Variants in SEPTIN4 observed in about 807,000 individuals in gnomAD.
SEPTIN4 encodes the protein septin 4, also known as septin-4.
In SEPTIN4, 52 loss-of-function variants were observed where a neutral mutation model predicts 107.1. The observed-to-expected ratio is 0.49, with a 90% CI of 0.39 to 0.61. The LOEUF (loss-of-function observed/expected upper bound fraction) is 0.61, where lower values mean the gene tolerates loss of function less well. Ranked by LOEUF, SEPTIN4 falls within the 20% of genes least tolerant of loss-of-function variation. The pLI is 0.00. For synonymous variants in SEPTIN4, 417 were observed against 467.0 expected (o/e 0.89, Z 1.38); for missense variants, 1,048 against 1,243.5 (o/e 0.84, Z 2.36).
chr17:58,529,376 T>C (rs2043261986), intron 3 of SEPTIN4: 1 of 1,438,612 alleles, frequency 7.0e-7, no homozygotes, highest in Non-Finnish European at 9.1e-7. Context: ...CCACCCCTCT[T>C]CTCCTCCCCT....
At chr17:58,540,507 C>T (rs917466034) in intron 3 of SEPTIN4, among the ~76,000 whole-genome samples, 159 bp downstream of exon 3, 7 of 152,174 alleles carry the variant, frequency 4.6e-5, no homozygotes, top group African/African-American at 1.7e-4. Flanking sequence ...CCCCACTTGC[C>T]CCCTCTACCA....
chr17:58,529,238 C>T (rs894354519), intron 3 of SEPTIN4: 1 of 1,613,856 alleles, frequency 6.2e-7, no homozygotes, highest in East Asian at 2.2e-5. Context: ...AGGCAAAGTT[C>T]CTCACACACA....
chr17:58,532,177 G>T, intron 3 of SEPTIN4: 1 of 908,542 alleles, frequency 1.1e-6, no homozygotes, highest in South Asian at 5.2e-5. Flanking sequence ...GTGGGTCGGG[G>T]TGCCCAGCTG....
In SEPTIN4 at chr17:58,543,662, A is replaced by G. The variant is rs1348895284; in HGVS notation, c.525T>C (p.Asp175=). 1 of 1,614,106 alleles carries G rather than the reference A, an allele frequency of 6.2e-7. No individual in the cohort carries two copies. The highest frequency in any genetic ancestry group is 8.5e-7 in the Non-Finnish European group (1 of 1,180,036). The change falls in exon 1 of 14, where the codon GAT becomes GAC. Residue 175 remains aspartate (D), a synonymous_variant. Coordinates refer to ENST00000672673, the MANE Select transcript of SEPTIN4 (RefSeq NM_001368771.2). ...KNNLQSQILE[D]DPPSKVQNPQ... is the part of the protein sequence containing the mutation. ...GGTTCTGGACCTTGGATGGTGGGTC[A>G]TCTTCTAAGATTTGTGATTGTAAGT...
rs753730883 is a variant in SEPTIN4 at position 58,521,050 on chromosome 17, C to T, written c.2779G>A (p.Ala927Thr). Residue 927 changes from alanine to threonine, a missense_variant, in exon 12 of 14, where the codon GCA (alanine) becomes ACA (threonine). Ala to Thr is a moderately conservative substitution (Grantham distance 58). Coordinates refer to ENST00000672673, the MANE Select transcript of SEPTIN4 (RefSeq NM_001368771.2). This position sits in a 1 kb window ranked among gnomAD's most constrained non-coding sequence, Gnocchi z 6.4. ...CGGGTCATGCTCTGGATGCACTGTG[C>T]CCGGTAGTTCTCATAATGTGTCTCC... Reference protein sequence around the residue: ...TRETHYENYRAQCIQSMTRLV... With the variant: ...TRETHYENYRTQCIQSMTRLV... The T allele has an allele frequency of 2.5e-6, 4 of 1,614,054 alleles. No homozygotes were observed. Among genetic ancestry groups the T allele is most frequent in the African/African-American group, 1.3e-5 (1 of 74,916 alleles).
rs545465005 is a variant in SEPTIN4, at chr17:58,527,073, A to G, written c.1615-95T>C. On this transcript the variant is annotated intron_variant, in intron 3 of 13. Transcript: ENST00000672673. ...AGGAGACAGAAGACAGGAGAAGGCAAGAGGGAAAGGGAAAGCACTTGTGGT... is the reference window on the plus strand; with the variant it reads ...AGGAGACAGAAGACAGGAGAAGGCAGGAGGGAAAGGGAAAGCACTTGTGGT... 3.1e-6 allele frequency: 5 copies of G among 1,594,964 alleles called. No homozygotes were observed. The South Asian group carries it at 5.5e-5, about 18-fold the overall frequency.
chr17:58,543,875 T>C lies in SEPTIN4; in HGVS notation c.312A>G (p.Leu104=). The C allele has an allele frequency of 1.9e-6, 3 of 1,614,120 alleles. No homozygotes were observed. The highest frequency in any genetic ancestry group is 1.7e-6 in the Non-Finnish European group (2 of 1,180,006). The change falls in exon 1 of 14, where the codon CTA becomes CTG. Residue 104 remains leucine (L), a synonymous_variant. Transcript: ENST00000672673. ...CCAGTGTCTGAGTCTTCTGGCTCTT[T>C]AGATGGGGAGAGGAATGGCGGGATG... ...TESSRHSSPH[L]KSQKTQTLAS...
intron 3 of SEPTIN4, chr17:58,529,812 T>C (rs1441902670): frequency 6.6e-6 from 1 of 152,088 alleles, no homozygotes; most frequent in East Asian, 1.9e-4. Flanking sequence ...GTTTTTTTTT[T>C]TTTTTCCTGT....
rs1279462428 is a variant in SEPTIN4 at position 58,520,595 on chromosome 17, G to A, written c.2932-110C>T. ...GCCAGAACCTTGGTAGCCGTGAGGT[G>A]TGATGGAGACTCTGGACAGAACCAC... On this transcript the variant is annotated intron_variant, in intron 13 of 13. Coordinates refer to ENST00000672673, the MANE Select transcript of SEPTIN4 (RefSeq NM_001368771.2). The A allele has an allele frequency of 1.1e-5, 17 of 1,513,718 alleles. No homozygotes were observed. In the East Asian group the frequency reaches 3.6e-4, roughly 32 times the overall value. 93.8% of individuals were successfully genotyped at this position (1,513,718 alleles called of 1,614,324 possible).
intron 13 of SEPTIN4, 50 bp from the exon 14 acceptor site, chr17:58,520,535 T>C (rs2042147415): frequency 6.2e-7 from 1 of 1,606,978 alleles, no homozygotes; most frequent in African/African-American, 1.3e-5. Flanking sequence ...AGTCCTTTAG[T>C]ATTGGGAAAG....
chr17:58,521,327 A>C lies in SEPTIN4; in HGVS notation c.2595T>G (p.Ile865Met). Residue 865 changes from isoleucine to methionine, a missense_variant, in exon 11 of 14, where the codon ATT becomes ATG. Transcript: ENST00000672673. The surrounding 1 kb of genome is among the most constrained non-coding windows in gnomAD (Gnocchi z 6.4). ...ALKESIPFAV[I>M]GSNTVVEARG... Reference sequence around the variant, plus strand: ...TGGCCTCTACTACAGTGTTGCTGCCAATTACTGCAAATGGGATGCTTTCCT... The same window carrying C: ...TGGCCTCTACTACAGTGTTGCTGCCCATTACTGCAAATGGGATGCTTTCCT... 6.2e-7 allele frequency: 1 copy of C among 1,614,118 alleles called. No homozygotes were observed. Among genetic ancestry groups the C allele is most frequent in the Non-Finnish European group, 8.5e-7 (1 of 1,180,038 alleles).
chr17:58,537,477 T>C (rs775816803), intron 3 of SEPTIN4, among the ~76,000 whole-genome samples: 1 of 152,152 alleles, frequency 6.6e-6, no homozygotes, highest in Non-Finnish European at 1.5e-5. Flanking sequence ...CAGGGTGCCA[T>C]CTGACAGGGT....
rs765069542 is a variant in SEPTIN4 at position 58,543,211 on chromosome 17, G to C, written c.976C>G (p.Arg326Gly). 6.2e-6 allele frequency: 10 copies of C among 1,613,980 alleles called. No homozygotes were observed. Among genetic ancestry groups the C allele is most frequent in the African/African-American group, 2.7e-5 (2 of 74,876 alleles). The stretch of plus-strand genomic sequence containing the variant: ...CTGCGGCCAACCTCGCTGTTTCCTC[G>C]GATTGGGGTCCTCACGTTGGACTCC... ...QVESNVRTPIRGNSEVGRRVT... is the reference protein window; with the variant it reads ...QVESNVRTPIGGNSEVGRRVT... The change falls in exon 1 of 14, where the codon CGA (arginine) becomes GGA (glycine). Residue 326 changes from arginine to glycine, a missense_variant. By Grantham distance (125) the Arg-to-Gly change is moderately radical. Transcript: ENST00000672673.
chr17:58,542,089 G>T, intron 1 of SEPTIN4, 123 bp from the exon 2 acceptor site: 1 of 1,135,192 alleles, frequency 8.8e-7, no homozygotes, highest in Non-Finnish European at 1.2e-6. Context: ...TCAGCCCTTG[G>T]TCCTCTCCAA....
In SEPTIN4 at chr17:58,525,908, T is replaced by C. The variant is rs942863942; in HGVS notation, c.2006-127A>G. ...AATTGGAACTAGACTAACCAAACTA[T>C]AGCATTTTAGAGCTGGGAGGAAGCA... On this transcript the variant is annotated intron_variant, in intron 5 of 13. Coordinates refer to ENST00000672673, the MANE Select transcript of SEPTIN4 (RefSeq NM_001368771.2). The C allele has an allele frequency of 4.5e-6, 4 of 894,910 alleles. No homozygotes were observed. In the East Asian group the frequency reaches 1.1e-4, roughly 24 times the overall value. The allele number at this position is 894,910 out of a possible 1,614,324, so 55.4% of individuals were successfully genotyped here. A position where few individuals can be genotyped will look rare whatever the true frequency, so the allele number is the denominator to read the frequency against.
At chr17:58,520,509 A>G (rs906978442) in intron 13 of SEPTIN4, 24 bp from the exon 14 acceptor site, 3 of 1,613,524 alleles carry the variant, frequency 1.9e-6, no homozygotes, top group Non-Finnish European at 8.5e-7. Context: ...AGGCATCAAA[A>G]TGGGGACTTT....
intron 6 of SEPTIN4, 92 bp downstream of exon 6, chr17:58,525,603 C>T: frequency 8.5e-7 from 1 of 1,174,658 alleles, no homozygotes; most frequent in Non-Finnish European, 1.3e-6. Context: ...GCCATGGTTT[C>T]CTGCATGTGG....
At chr17:58,529,340 CA>C (rs2043257433) in intron 3 of SEPTIN4, 11 of 1,478,848 alleles carry the variant, frequency 7.4e-6, no homozygotes, top group Admixed American at 2.3e-5. Flanking sequence ...TGGCAGGGGC[CA>C]AAAAAGCCTG....
rs1489517486 is a variant in SEPTIN4 at position 58,542,973 on chromosome 17, T to C, written c.1214A>G (p.Glu405Gly). 6.2e-7 allele frequency: 1 copy of C among 1,613,566 alleles called. No homozygotes were observed. Among genetic ancestry groups the C allele is most frequent in the African/African-American group, 1.3e-5 (1 of 74,870 alleles). The change falls in exon 1 of 14, where the codon GAA (glutamate) becomes GGA (glycine). Residue 405 changes from glutamate (E) to glycine (G), a missense_variant. Glu to Gly is a moderately conservative substitution (Grantham distance 98). Coordinates refer to ENST00000672673, the MANE Select transcript of SEPTIN4 (RefSeq NM_001368771.2). The stretch of plus-strand genomic sequence containing the variant: ...CAAGGGCCTAGGGGTCAGTTCCAGT[T>C]CTGCATGGATGGAGGGCTTTTGCGA... ...ELSQKPSIHA[E>G]LELTPRPLPP...
Sources: gnomAD v4.1 joint callset for allele counts (sites outside exome capture counted in the v4.1 genomes callset) on GRCh38, gnomAD v4.1.1 for gene constraint, Gnocchi (gnomAD v3.1) non-coding constraint, MANE v1.5 for transcripts, NCBI Gene and HGNC (gene_info 2026-07-23, HGNC 2026-07-21) for gene names.